PRORP: variants seen among roughly 807,000 people sequenced by gnomAD.
PRORP encodes mitochondrial ribonuclease P catalytic subunit.
PRORP carries 51 observed loss-of-function variants against 59.4 expected under a neutral mutation model. The ratio of observed to expected loss-of-function variants is 0.86; its 90% CI spans 0.69 to 1.08. The LOEUF (loss-of-function observed/expected upper bound fraction) is 1.08, where lower values mean the gene tolerates loss of function less well. PRORP is among the 50% of genes least tolerant of loss of function. PRORP has a pLI of 0.00. For missense variants in PRORP, 646 were observed against 690.3 expected (o/e 0.94, Z 0.72); for synonymous variants, 231 against 245.6 (o/e 0.94, Z 0.55).
At chr14:35,208,105 G>C (rs542971613) in intron 5 of PRORP, among the ~76,000 whole-genome samples, 5 of 151,580 alleles carry the variant, frequency 3.3e-5, no homozygotes, top group African/African-American at 1.2e-4. Context: ...AGCCGAGATC[G>C]TGCTACTGCA....
At chr14:35,235,540 G>C in intron 5 of PRORP, 1 of 576,704 alleles carries the variant, frequency 1.7e-6, no homozygotes, top group Admixed American at 2.2e-5. Context: ...TCTCCTCCAA[G>C]GTGGTGATGG....
At position 35,233,323 on chromosome 14, in the gene PRORP, G is replaced by A. The variant is rs548392360; in HGVS notation, c.1276-33404G>A. ...TCTCTTCCTAATAAATATATGAATTGTAACTTTGTCTCTAGAATTGTTGTA... is the reference window on the plus strand; with the variant it reads ...TCTCTTCCTAATAAATATATGAATTATAACTTTGTCTCTAGAATTGTTGTA... On this transcript the variant is annotated intron_variant, in intron 5 of 7. Transcript: ENST00000534898. Among the ~76,000 whole-genome samples the A allele has an allele frequency of 4.0e-5, 6 of 150,150 alleles. No individual in the cohort carries two copies. The East Asian group carries it at 7.7e-4, about 19-fold the overall frequency.
intron 4 of PRORP, among the ~76,000 whole-genome samples, chr14:35,152,775 C>A (rs1272673685): frequency 1.4e-5 from 2 of 147,938 alleles, no homozygotes; most frequent in East Asian, 4.0e-4. Flanking sequence ...GGCAGAGGCG[C>A]TCCTCACATC....
intron 7 of PRORP, among the ~76,000 whole-genome samples, chr14:35,272,054 A>G (rs1397169054): frequency 6.6e-6 from 1 of 152,090 alleles, no homozygotes; most frequent in Non-Finnish European, 1.5e-5. Context: ...CAACAAAAAA[A>G]AAACGGAGAT....
At chr14:35,207,823 A>G (rs1021874089) in intron 5 of PRORP, among the ~76,000 whole-genome samples, 2 of 152,214 alleles carry the variant, frequency 1.3e-5, no homozygotes, top group Non-Finnish European at 2.9e-5. Context: ...GAGCTCAAGT[A>G]TGCAGGCACA....
At chr14:35,248,333 A>T (rs1026724935) in intron 5 of PRORP, among the ~76,000 whole-genome samples, 2 of 152,142 alleles carry the variant, frequency 1.3e-5, no homozygotes, top group African/African-American at 4.8e-5. Context: ...CAGAAGTAGG[A>T]CTCCTGCTCA....
chr14:35,227,967 A>G (rs2138478326), intron 5 of PRORP, among the ~76,000 whole-genome samples: 1 of 152,196 alleles, frequency 6.6e-6, no homozygotes, highest in East Asian at 1.9e-4. Flanking sequence ...ATATGGTGAA[A>G]TCCCATCTTT....
chr14:35,150,711 A>C (rs143318599), intron 4 of PRORP, among the ~76,000 whole-genome samples: 1 of 152,306 alleles, frequency 6.6e-6, no homozygotes, highest in African/African-American at 2.4e-5. Context: ...GTTTGGCTTT[A>C]CAAGGAAATG....
At chr14:35,156,201 C>A (rs899943309) in intron 4 of PRORP, among the ~76,000 whole-genome samples, 7 of 152,152 alleles carry the variant, frequency 4.6e-5, no homozygotes, top group African/African-American at 1.4e-4. Context: ...AGCCTATGTC[C>A]CCAACAGTGC....
chr14:35,266,556 T>C (rs1459781910), intron 5 of PRORP, among the ~76,000 whole-genome samples, 171 bp from the exon 6 acceptor site: 3 of 152,100 alleles, frequency 2.0e-5, no homozygotes, highest in African/African-American at 7.2e-5. Context: ...TAATGTGTAA[T>C]AGGGAAGCAT....
chr14:35,213,670 G>A (rs2049510623), intron 5 of PRORP, among the ~76,000 whole-genome samples: 1 of 152,122 alleles, frequency 6.6e-6, no homozygotes, highest in Admixed American at 6.6e-5. Context: ...TTGGGGAAAG[G>A]GAAGAGAGGG....
rs368406674 is a variant in PRORP, at chr14:35,183,943, A to G, written c.1275+3166A>G. Reference sequence around the variant, plus strand: ...TATCTTTCTCTTAATACAATTACCTATAAGTGTACATAAAGGAAAAATTAG... The same window carrying G: ...TATCTTTCTCTTAATACAATTACCTGTAAGTGTACATAAAGGAAAAATTAG... On this transcript the variant is annotated intron_variant, in intron 5 of 7. Transcript: ENST00000534898. 9.3e-4 allele frequency among the ~76,000 whole-genome samples: 141 copies of G among 152,282 alleles called. 3 individuals are homozygous for G. In the South Asian group the frequency reaches 0.028, roughly 30 times the overall value.
intron 5 of PRORP, among the ~76,000 whole-genome samples, chr14:35,232,325 C>G (rs2050102703): frequency 6.6e-6 from 1 of 151,788 alleles, no homozygotes; most frequent in South Asian, 2.1e-4. Flanking sequence ...CTCACCTCAG[C>G]TTCCCAAGTA....
At chr14:35,198,759 C>T (rs752401203) in intron 5 of PRORP, among the ~76,000 whole-genome samples, 4 of 152,176 alleles carry the variant, frequency 2.6e-5, no homozygotes, top group South Asian at 2.1e-4. Context: ...GAGGGCTGGG[C>T]GCAGTGGCTC....
At chr14:35,124,872 T>TG (rs1491442576) in intron 2 of PRORP, among the ~76,000 whole-genome samples, 1 of 137,236 alleles carries the variant, frequency 7.3e-6, no homozygotes, top group Non-Finnish European at 1.6e-5. Flanking sequence ...ACTCTCTCCC[T>TG]TTTTTTTTTT....
chr14:35,238,725 G>A (rs966478895), intron 5 of PRORP, among the ~76,000 whole-genome samples: 1 of 152,126 alleles, frequency 6.6e-6, no homozygotes. Flanking sequence ...GCCATTCTAA[G>A]TTAACACGTC....
At chr14:35,131,772 G>A (rs751750384) in intron 4 of PRORP, among the ~76,000 whole-genome samples, 3 of 151,452 alleles carry the variant, frequency 2.0e-5, no homozygotes, top group African/African-American at 4.9e-5. Flanking sequence ...CAGGTGATTC[G>A]CCTGCCTCAG....
intron 5 of PRORP, among the ~76,000 whole-genome samples, chr14:35,210,755 T>A (rs2049420470): frequency 1.6e-4 from 2 of 12,516 alleles, no homozygotes; most frequent in Non-Finnish European, 4.2e-4. Context: ...TTTGCCTTTT[T>A]TTTTTTTTTT....
intron 3 of PRORP, 116 bp from the exon 4 acceptor site, chr14:35,127,363 T>G: frequency 1.4e-6 from 1 of 729,764 alleles, no homozygotes; most frequent in Non-Finnish European, 2.0e-6. Context: ...ATCACAAAGG[T>G]TTTAATGTTC....
Sources: allele counts gnomAD v4.1 joint callset (sites outside exome capture counted in the v4.1 genomes callset), GRCh38; gene constraint gnomAD v4.1.1; transcripts MANE v1.5; gene names NCBI Gene and HGNC (gene_info 2026-07-23, HGNC 2026-07-21).